RPGRIP1: variants seen among roughly 807,000 people sequenced by gnomAD.
The protein encoded by RPGRIP1 is RPGR interacting protein 1.
RPGRIP1 carries 128 observed loss-of-function variants against 157.9 expected under a neutral mutation model. The ratio of observed to expected loss-of-function variants is 0.81; its 90% CI spans 0.70 to 0.94. The LOEUF (loss-of-function observed/expected upper bound fraction) is 0.94. RPGRIP1 is among the 40% of genes least tolerant of loss of function. The probability of loss-of-function intolerance (pLI) is 0.00; values close to 1 mark genes in which losing one functional copy is unlikely to be tolerated. For synonymous variants in RPGRIP1, 554 were observed against 571.6 expected, an observed-to-expected ratio of 0.97 and a Z score of 0.44; for missense variants, 1,486 against 1,545.8, an observed-to-expected ratio of 0.96 and a Z score of 0.65.
At chr14:21,328,834 T>C (rs1364339741) in intron 19 of RPGRIP1, among the ~76,000 whole-genome samples, 1 of 151,610 alleles carries the variant, frequency 6.6e-6, no homozygotes, top group Non-Finnish European at 1.5e-5. Context: ...CACGGTGAAC[T>C]CCTATCTCTG....
intron 10 of RPGRIP1, among the ~76,000 whole-genome samples, chr14:21,313,998 A>G (rs985600207): frequency 9.8e-5 from 14 of 143,302 alleles, no homozygotes; most frequent in African/African-American, 3.4e-4. Flanking sequence ...CCCAGGCTGT[A>G]GTACAGTGGT....
At chr14:21,293,314 T>C (rs1283620182) in intron 2 of RPGRIP1, among the ~76,000 whole-genome samples, 1 of 152,092 alleles carries the variant, frequency 6.6e-6, no homozygotes, top group East Asian at 1.9e-4. Flanking sequence ...GGGGACAGTT[T>C]CTCCTGACCA....
At chr14:21,284,571 T>TA (rs1207563800) in intron 1 of RPGRIP1, among the ~76,000 whole-genome samples, 1 of 122,410 alleles carries the variant, frequency 8.2e-6, no homozygotes, top group Non-Finnish European at 1.6e-5. Context: ...GAAGATGGAA[T>TA]CTCTCTCTTG....
chr14:21,289,748 A>G (rs1290871558), intron 2 of RPGRIP1, among the ~76,000 whole-genome samples: 1 of 152,218 alleles, frequency 6.6e-6, no homozygotes, highest in Non-Finnish European at 1.5e-5. Flanking sequence ...CACGCCTGTA[A>G]TCCCAGCACC....
intron 24 of RPGRIP1, among the ~76,000 whole-genome samples, chr14:21,349,191 C>T (rs2139371891): frequency 6.6e-6 from 1 of 150,408 alleles, no homozygotes; most frequent in South Asian, 2.1e-4. Flanking sequence ...CTGCCTCAAC[C>T]TCCTGGGTAG....
chr14:21,280,432 G>A (rs772733098), intron 1 of RPGRIP1, among the ~76,000 whole-genome samples: 1 of 151,976 alleles, frequency 6.6e-6, no homozygotes, highest in South Asian at 2.1e-4. Context: ...TTTTAGTAGA[G>A]ACGGGGTTTC....
intron 17 of RPGRIP1, among the ~76,000 whole-genome samples, chr14:21,326,616 C>A (rs1883141522): frequency 6.6e-6 from 1 of 152,080 alleles, no homozygotes; most frequent in Admixed American, 6.5e-5. Flanking sequence ...GTGAACCTCC[C>A]ACCTGAGCCT....
intron 23 of RPGRIP1, among the ~76,000 whole-genome samples, chr14:21,345,869 G>T (rs1489159507): frequency 6.6e-6 from 1 of 152,120 alleles, no homozygotes; most frequent in East Asian, 1.9e-4. Flanking sequence ...GTCCAGGCTG[G>T]AGTGCAGTGG....
chr14:21,343,866 G>GGTTTT (rs1885273916), intron 22 of RPGRIP1, among the ~76,000 whole-genome samples: 1 of 50,422 alleles, frequency 2.0e-5, no homozygotes, highest in Non-Finnish European at 3.6e-5. Flanking sequence ...CTCTTTTCCT[G>GGTTTT]TTTTTTTTTT....
intron 21 of RPGRIP1, among the ~76,000 whole-genome samples, chr14:21,342,696 C>T (rs1223778934): frequency 6.6e-6 from 1 of 152,122 alleles, no homozygotes; most frequent in Non-Finnish European, 1.5e-5. Context: ...AACCTCCCAT[C>T]ATCCACCCTC....
rs975497587 is a variant in RPGRIP1, at chr14:21,298,991, T to C, written c.219-1975T>C. Among the ~76,000 whole-genome samples, 3 of 148,490 alleles carry C rather than the reference T, an allele frequency of 2.0e-5. No individual in the cohort carries two copies. The East Asian group carries it at 6.0e-4, about 30-fold the overall frequency. On this transcript the variant is annotated intron_variant, in intron 3 of 24. Coordinates refer to ENST00000400017, the MANE Select transcript of RPGRIP1 (RefSeq NM_020366.4). ...AATCTGCAGGAATGCAGGCCTCCAT[T>C]GTGGATCAGCACTCTTCAGAGTTGG...
At position 21,286,362 on chromosome 14, in the gene RPGRIP1, G is replaced by A. The variant is rs529029371; in HGVS notation, c.-38-1577G>A. On this transcript the variant is annotated intron_variant, in intron 1 of 24. Coordinates refer to ENST00000400017, the MANE Select transcript of RPGRIP1 (RefSeq NM_020366.4). ...GGGAAAGGGAGGAATCAAAGCTGCA[G>A]GATTGGTAGGACGGTAGTGGCATTT... is the stretch of plus-strand genomic sequence containing the variant. 3.9e-5 allele frequency among the ~76,000 whole-genome samples: 6 copies of A among 151,918 alleles called. No homozygotes were observed. In the East Asian group the frequency reaches 1.2e-3, roughly 29 times the overall value.
At chr14:21,294,853 T>C in intron 3 of RPGRIP1, 44 bp downstream of exon 3, 1 of 1,010,942 alleles carries the variant, frequency 9.9e-7, no homozygotes, top group Non-Finnish European at 1.3e-6. Flanking sequence ...TTTTTTTTTT[T>C]TTTTTTTTTG....
chr14:21,306,939 C>A (rs1360850643), intron 6 of RPGRIP1, among the ~76,000 whole-genome samples: 3 of 151,286 alleles, frequency 2.0e-5, no homozygotes, highest in Non-Finnish European at 4.4e-5. Context: ...CCACACCCAG[C>A]TAATTTTTGT....
chr14:21,320,282 C>A, intron 12 of RPGRIP1, 105 bp downstream of exon 12: 2 of 1,114,006 alleles, frequency 1.8e-6, no homozygotes, highest in Non-Finnish European at 2.6e-6. Context: ...AATATTTTGT[C>A]CTGACTGAGG....
chr14:21,345,637 T>G (rs1660575507), intron 23 of RPGRIP1, among the ~76,000 whole-genome samples: 1 of 152,088 alleles, frequency 6.6e-6, no homozygotes, highest in African/African-American at 2.4e-5. Flanking sequence ...ACTCCTGCGC[T>G]CAAGCGATCT....
chr14:21,339,483 A>G (rs1329887804), intron 21 of RPGRIP1, among the ~76,000 whole-genome samples: 3 of 152,106 alleles, frequency 2.0e-5, no homozygotes, highest in East Asian at 1.9e-4. Flanking sequence ...GATGTACAGG[A>G]AGGTGCTATG....
chr14:21,288,314 G>C (rs1307084704), intron 2 of RPGRIP1, among the ~76,000 whole-genome samples: 2 of 151,258 alleles, frequency 1.3e-5, no homozygotes, highest in East Asian at 3.9e-4. Context: ...CCAAGTAGCA[G>C]GGATTACAGG....
intron 24 of RPGRIP1, among the ~76,000 whole-genome samples, chr14:21,349,361 C>T (rs974268280): frequency 6.7e-6 from 1 of 149,216 alleles, no homozygotes; most frequent in Non-Finnish European, 1.5e-5. Flanking sequence ...TAAACCACTG[C>T]GCCCGGCCTC....
Sources: gnomAD v4.1 joint callset for allele counts (sites outside exome capture counted in the v4.1 genomes callset) on GRCh38, gnomAD v4.1.1 for gene constraint, MANE v1.5 for transcripts, NCBI Gene and HGNC (gene_info 2026-07-23, HGNC 2026-07-21) for gene names.